TRPM3: variants seen among roughly 807,000 people sequenced by gnomAD.
TRPM3 encodes transient receptor potential cation channel subfamily M member 3, also known as long transient receptor potential channel 3.
A neutral mutation model predicts 181.2 loss-of-function variants in TRPM3; 77 were observed. The observed-to-expected ratio is 0.42, with a 90% CI of 0.35 to 0.51. The LOEUF (loss-of-function observed/expected upper bound fraction) is 0.51, where lower values mean the gene tolerates loss of function less well. Ranked by LOEUF, TRPM3 falls within the 20% of genes least tolerant of loss-of-function variation. The probability of loss-of-function intolerance (pLI) is 0.01; values close to 1 mark genes in which losing one functional copy is unlikely to be tolerated. For synonymous variants in TRPM3, 745 were observed against 796.4 expected, an observed-to-expected ratio of 0.94 and a Z score of 1.09; for missense variants, 1,759 against 2,196.7, an observed-to-expected ratio of 0.80 and a Z score of 3.98.
intron 3 of TRPM3, among the ~76,000 whole-genome samples, chr9:70,854,837 C>T (rs758508715): frequency 6.6e-6 from 1 of 152,180 alleles, no homozygotes; most frequent in Non-Finnish European, 1.5e-5. Context: ...GAACTAGAGG[C>T]TAGTTCTAGT....
At chr9:70,559,053 G>A (rs1335675972) in intron 22 of TRPM3, among the ~76,000 whole-genome samples, 2 of 152,208 alleles carry the variant, frequency 1.3e-5, no homozygotes, top group African/African-American at 2.4e-5. Context: ...TTGGAGCACA[G>A]CCTTCCAATG....
intron 25 of TRPM3, among the ~76,000 whole-genome samples, chr9:70,542,949 C>T (rs1211302104): frequency 6.6e-6 from 1 of 152,136 alleles, no homozygotes; most frequent in East Asian, 1.9e-4. Flanking sequence ...CCTACCCTTC[C>T]CTTTGGGTTA....
At chr9:70,846,305 CT>C (rs1416378625) in intron 4 of TRPM3, 72 bp downstream of exon 4, 2 of 1,427,378 alleles carry the variant, frequency 1.4e-6, no homozygotes, top group East Asian at 4.5e-5. Context: ...AATAATTAAT[CT>C]TAGCAGAAAA....
intron 1 of TRPM3, among the ~76,000 whole-genome samples, chr9:70,905,247 C>T (rs959574195): frequency 5.3e-5 from 8 of 152,188 alleles, no homozygotes; most frequent in African/African-American, 1.4e-4. Flanking sequence ...TTTGAGATTG[C>T]GGTACATTGT....
chr9:71,166,213 G>A (rs867697545), intron 1 of TRPM3, among the ~76,000 whole-genome samples: 5 of 152,052 alleles, frequency 3.3e-5, no homozygotes, highest in African/African-American at 1.2e-4. Context: ...TGCAGGAGTC[G>A]GCAGCCACAG....
chr9:71,065,146 C>T (rs186372838), intron 1 of TRPM3, among the ~76,000 whole-genome samples: 13 of 152,136 alleles, frequency 8.5e-5, no homozygotes, highest in Admixed American at 7.9e-4. Flanking sequence ...AATCTCTGTA[C>T]AATGAACAAT....
intron 1 of TRPM3, among the ~76,000 whole-genome samples, chr9:71,214,423 C>A (rs1025060877): frequency 6.6e-6 from 1 of 152,118 alleles, no homozygotes; most frequent in Admixed American, 6.6e-5. Context: ...TGAAAACATA[C>A]GCCCACACAA....
chr9:71,063,659 T>C (rs1326628588), intron 1 of TRPM3, among the ~76,000 whole-genome samples: 1 of 151,980 alleles, frequency 6.6e-6, no homozygotes. Context: ...AGACATTCAG[T>C]AGACAAAGAT....
intron 6 of TRPM3, among the ~76,000 whole-genome samples, chr9:70,799,213 A>G (rs1423586628): frequency 6.6e-6 from 1 of 152,200 alleles, no homozygotes; most frequent in Non-Finnish European, 1.5e-5. Flanking sequence ...TTCTGTTCCC[A>G]CTGAGGTGAT....
At chr9:71,265,007 T>C (rs969480176) in intron 1 of TRPM3, among the ~76,000 whole-genome samples, 11 of 152,182 alleles carry the variant, frequency 7.2e-5, no homozygotes, top group Non-Finnish European at 2.9e-5. Context: ...AAGAAATGTA[T>C]TTAATTTGGA....
At chr9:71,201,790 C>A (rs553047056) in intron 1 of TRPM3, among the ~76,000 whole-genome samples, 5 of 152,242 alleles carry the variant, frequency 3.3e-5, no homozygotes, top group Admixed American at 1.3e-4. Context: ...TCCTGTAGCT[C>A]GGAATAGTTT....
intron 8 of TRPM3, among the ~76,000 whole-genome samples, chr9:70,751,040 T>C (rs1250205404): frequency 6.6e-6 from 1 of 152,078 alleles, no homozygotes; most frequent in East Asian, 1.9e-4. Flanking sequence ...TGAGACTATC[T>C]TACTGAATAA....
At chr9:71,338,059 T>C (rs1393255282) in intron 1 of TRPM3, among the ~76,000 whole-genome samples, 1 of 151,314 alleles carries the variant, frequency 6.6e-6, no homozygotes, top group Non-Finnish European at 1.5e-5. Flanking sequence ...TCTGCACATG[T>C]ACCTCAGAAC....
At chr9:71,136,493 G>A (rs756286162) in intron 1 of TRPM3, among the ~76,000 whole-genome samples, 1 of 152,160 alleles carries the variant, frequency 6.6e-6, no homozygotes, top group South Asian at 2.1e-4. Flanking sequence ...ACTTCTTAGG[G>A]ATTTTTACTT....
chr9:70,568,611 T>G (rs58649393), intron 22 of TRPM3, among the ~76,000 whole-genome samples: 1 of 152,234 alleles, frequency 6.6e-6, no homozygotes, highest in Non-Finnish European at 1.5e-5. Context: ...GATACTATTA[T>G]TATGGCCATT....
At chr9:71,194,706 C>T (rs1490752038) in intron 1 of TRPM3, among the ~76,000 whole-genome samples, 2 of 151,948 alleles carry the variant, frequency 1.3e-5, no homozygotes, top group East Asian at 3.9e-4. Flanking sequence ...AAATAATACA[C>T]ATACATTGGA....
intron 8 of TRPM3, among the ~76,000 whole-genome samples, chr9:70,751,622 A>G (rs2135079627): frequency 6.6e-6 from 1 of 152,348 alleles, no homozygotes; most frequent in Middle Eastern, 3.4e-3. Context: ...AAGTTGGAGG[A>G]CTAGCAGAAA....
intron 1 of TRPM3, among the ~76,000 whole-genome samples, chr9:71,254,101 G>T (rs1426543974): frequency 6.6e-6 from 1 of 152,064 alleles, no homozygotes; most frequent in South Asian, 2.1e-4. Flanking sequence ...TGTATTTTTA[G>T]TAGAGACGGT....
At chr9:71,426,904 T>C (rs1252600800) in intron 1 of TRPM3, among the ~76,000 whole-genome samples, 1 of 152,162 alleles carries the variant, frequency 6.6e-6, no homozygotes, top group South Asian at 2.1e-4. Flanking sequence ...CTTATCTCCT[T>C]TTTATGTCTG....
Sources: allele counts gnomAD v4.1 joint callset (sites outside exome capture counted in the v4.1 genomes callset), GRCh38; gene constraint gnomAD v4.1.1; transcripts MANE v1.5; gene names NCBI Gene and HGNC (gene_info 2026-07-23, HGNC 2026-07-21).